Variants in C11orf21 observed in about 807,000 individuals in gnomAD.
The protein encoded by C11orf21 is uncharacterized protein C11orf21.
In C11orf21, 19 loss-of-function variants were observed where a neutral mutation model predicts 15.2. The ratio of observed to expected loss-of-function variants is 1.25; its 90% confidence interval spans 0.87 to 1.84. The LOEUF (loss-of-function observed/expected upper bound fraction) is 1.84. Among genes scored for constraint, C11orf21 ranks in the 40% most tolerant of loss-of-function variants. The pLI, the probability that C11orf21 is intolerant of heterozygous loss-of-function variation, is 0.00. For synonymous variants in C11orf21, 62 were observed against 66.8 expected (o/e 0.93, Z 0.35); for missense variants, 171 against 174.4 (o/e 0.98, Z 0.11).
In C11orf21 at chr11:2,301,854, G is replaced by A. The variant is rs184354804; in HGVS notation, c.-46C>T. ...CGTCCTCAGTGGCCACACCAAGAAC[G>A]AGGCCATGTCTTCCTGGGAAGGGCC... On this transcript the variant is annotated 5_prime_UTR_variant, in exon 1 of 4. Transcript: ENST00000381153. 33 of 1,550,424 alleles carry A rather than the reference G, an allele frequency of 2.1e-5. No individual in the cohort carries two copies. The East Asian group carries it at 4.9e-4, about 23-fold the overall frequency.
At chr11:2,302,950 A>C (rs1323787153), upstream of C11orf21, 5 of 1,613,248 alleles carry the variant, frequency 3.1e-6, no homozygotes, top group African/African-American at 4.0e-5. Context: ...CAGGCTGTGC[A>C]CCAATGGGGT....
intron 1 of C11orf21, chr11:2,301,224 C>T: frequency 4.2e-6 from 1 of 238,690 alleles, no homozygotes; most frequent in Non-Finnish European, 8.4e-6. Context: ...GGCCCCCTCC[C>T]CCTTGATGAG....
intron 1 of C11orf21, 136 bp from the exon 2 acceptor site, chr11:2,300,749 A>G: frequency 6.4e-7 from 1 of 1,550,858 alleles, no homozygotes; most frequent in Non-Finnish European, 8.7e-7. Flanking sequence ...CAGGGAGGTC[A>G]AGGTTGGAGA....
intron 2 of C11orf21, 143 bp from the exon 3 acceptor site, chr11:2,299,850 G>A (rs2133269267): frequency 3.3e-6 from 2 of 612,924 alleles, no homozygotes; most frequent in Non-Finnish European, 5.1e-6. Context: ...ATCCACGCCT[G>A]CACACGCATC....
upstream of C11orf21, chr11:2,302,922 C>G (rs762542013): frequency 5.6e-5 from 91 of 1,613,734 alleles, no homozygotes; most frequent in East Asian, 1.6e-3. Context: ...CCGAGCGTCC[C>G]TGGAGAAGAA....
intron 1 of C11orf21, chr11:2,301,115 C>T (rs531873460): frequency 2.2e-5 from 7 of 321,052 alleles, no homozygotes; most frequent in African/African-American, 8.6e-5. Flanking sequence ...GGGAGGGAGG[C>T]GGTGGCCTCA....
Position 2,299,479 on chromosome 11 carries a change from T to C in C11orf21, c.376A>G (p.Arg126Gly). 6.5e-7 allele frequency: 1 copy of C among 1,550,272 alleles called. No individual in the cohort carries two copies. Among genetic ancestry groups the C allele is most frequent in the East Asian group, 2.4e-5 (1 of 40,900 alleles). Reference protein sequence around the residue: ...SSGKLCPRARRWQPLPS With the variant: ...SSGKLCPRARGWQPLPS ...TCTCAGGAAGGTAGAGGCTGCCACC[T>C]CCTGGCCCGAGGACACAGCTTTCCA... is the stretch of plus-strand genomic sequence containing the variant. The change falls in exon 3 of 4, where the codon AGG becomes GGG. Residue 126 changes from arginine to glycine, a missense_variant. Coordinates refer to ENST00000381153, the MANE Select transcript of C11orf21 (RefSeq NM_001329958.2).
upstream of C11orf21, chr11:2,302,801 C>T (rs201341195): frequency 1.3e-5 from 20 of 1,553,108 alleles, no homozygotes; most frequent in East Asian, 4.5e-4. Context: ...CCTGCTCCTG[C>T]AGCAGTCCCA....
At chr11:2,298,949 G>A (rs1183641211) in intron 3 of C11orf21, among the ~76,000 whole-genome samples, 1 of 152,168 alleles carries the variant, frequency 6.6e-6, no homozygotes, top group African/African-American at 2.4e-5. Context: ...GGAGGCAGCA[G>A]CCCACGGCAC....
upstream of C11orf21, chr11:2,302,347 C>A: frequency 1.9e-6 from 2 of 1,035,740 alleles, no homozygotes; most frequent in Non-Finnish European, 1.3e-6. Context: ...CCTGCCCTTG[C>A]AGACATGTGT....
At chr11:2,302,233 C>A, upstream of C11orf21, 2 of 1,376,854 alleles carry the variant, frequency 1.5e-6, no homozygotes, top group South Asian at 2.0e-5. Flanking sequence ...GCAGGTCGGG[C>A]AGGAGTGGGT....
rs3214127 is a variant in C11orf21, at chr11:2,299,635, T to TG, written c.219dup (p.Thr74HisfsTer4). On this transcript the variant is annotated frameshift_variant, in exon 3 of 4. Coordinates refer to ENST00000381153, the MANE Select transcript of C11orf21 (RefSeq NM_001329958.2). LOFTEE classifies it high-confidence loss of function. ...GGGTGATCCACAGGTTCATGAGCGG[T>TG]GGCAGGTGGAACAAGGGCACCATGG... The TG allele has an allele frequency of 1.2e-3, 1,935 of 1,551,024 alleles. 42 individuals are homozygous for TG. The East Asian group carries it at 0.037, about 30-fold the overall frequency.
chr11:2,302,998 C>T (rs762700997), upstream of C11orf21: 19 of 1,569,862 alleles, frequency 1.2e-5, no homozygotes, highest in East Asian at 2.2e-5. Context: ...GGAGGGGCCT[C>T]GGGTGCAAGG....
rs1847526151 is a variant in C11orf21, at chr11:2,296,384, C to G, written c.*1566G>C. ...GCACCCACCGAGGGTTGGACCTGAG[C>G]TAGAACTCCGTGAGCCCACTGACCT... On this transcript the variant is annotated 3_prime_UTR_variant, in exon 4 of 4. Coordinates refer to ENST00000381153, the MANE Select transcript of C11orf21 (RefSeq NM_001329958.2). This position sits in a 1 kb window ranked among gnomAD's most constrained non-coding sequence, Gnocchi z 5.6. 1 of 152,220 alleles carries G rather than the reference C, an allele frequency of 6.6e-6. No individual in the cohort carries two copies. Among genetic ancestry groups the G allele is most frequent in the African/African-American group, 2.4e-5 (1 of 41,436 alleles). The allele number at this position is 152,220 out of a possible 1,614,324, so 9.4% of individuals were successfully genotyped here.
At position 2,299,601 on chromosome 11, in the gene C11orf21, T is replaced by C; in HGVS notation, c.254A>G (p.His85Arg). The C allele has an allele frequency of 2.6e-6, 4 of 1,551,106 alleles. No homozygotes were observed. The highest frequency in any genetic ancestry group is 3.5e-6 in the Non-Finnish European group (4 of 1,146,968). The change falls in exon 3 of 4, where the codon CAC (histidine) becomes CGC (arginine). Residue 85 changes from histidine to arginine, a missense_variant. By Grantham distance (29) the His-to-Arg change is conservative (BLOSUM62 0). Coordinates refer to ENST00000381153, the MANE Select transcript of C11orf21 (RefSeq NM_001329958.2). ...AHEPVDHPAL[H>R]WLACCCCLSL... ...GAGACAGCAGCAGCAGGCAAGCCAG[T>C]GCAGAGCTGGGTGATCCACAGGTTC...
Position 2,296,015 on chromosome 11 carries a change from T to C in C11orf21, c.*1935A>G, listed in dbSNP as rs1311779037. 2 of 152,226 alleles carry C rather than the reference T, an allele frequency of 1.3e-5. No individual in the cohort carries two copies. The highest frequency in any genetic ancestry group is 4.8e-5 in the African/African-American group (2 of 41,444). 9.4% of individuals were successfully genotyped at this position (152,226 alleles called of 1,614,324 possible). ...GTCATATCTGGAACAGCAGTTGCAATTGGAGTCCTGGTTAAGTTTACCAGG... is the reference window on the plus strand; with the variant it reads ...GTCATATCTGGAACAGCAGTTGCAACTGGAGTCCTGGTTAAGTTTACCAGG... On this transcript the variant is annotated 3_prime_UTR_variant, in exon 4 of 4. Coordinates refer to ENST00000381153, the MANE Select transcript of C11orf21 (RefSeq NM_001329958.2). This position sits in a 1 kb window ranked among gnomAD's most constrained non-coding sequence, Gnocchi z 5.6.
chr11:2,302,377 G>A (rs1405905208), upstream of C11orf21, among the ~76,000 whole-genome samples: 1 of 152,212 alleles, frequency 6.6e-6, no homozygotes, highest in South Asian at 2.1e-4. Flanking sequence ...GCAGACAGCC[G>A]CAGGCAGGCA....
upstream of C11orf21, chr11:2,302,560 C>A: frequency 1.9e-6 from 1 of 523,980 alleles, no homozygotes. Flanking sequence ...GGGTGGGGCT[C>A]ACTCCCACTC....
upstream of C11orf21, chr11:2,302,751 G>A: frequency 1.0e-6 from 1 of 996,218 alleles, no homozygotes; most frequent in Non-Finnish European, 1.5e-6. Context: ...GGACCGGGAA[G>A]CTGGAGAGAG....
Sources: gnomAD v4.1 joint callset for allele counts (sites outside exome capture counted in the v4.1 genomes callset) on GRCh38, gnomAD v4.1.1 for gene constraint, Gnocchi (gnomAD v3.1) non-coding constraint, MANE v1.5 for transcripts, NCBI Gene and HGNC (gene_info 2026-07-23, HGNC 2026-07-21) for gene names.